CTSS: variants seen among roughly 807,000 people sequenced by gnomAD.
CTSS encodes cathepsin S.
Under a neutral mutation model 39.9 loss-of-function variants are expected in CTSS, and 15 were observed. That is an observed-to-expected ratio of 0.38 (90% CI 0.25 to 0.58). The LOEUF is 0.58. CTSS is among the 20% of genes least tolerant of loss of function. The probability of loss-of-function intolerance (pLI) is 0.70; values close to 1 mark genes in which losing one functional copy is unlikely to be tolerated. For missense variants in CTSS, 250 were observed against 398.2 expected (o/e 0.63, Z 3.17); for synonymous variants, 126 against 138.2 (o/e 0.91, Z 0.62).
At chr1:150,743,451 G>A (rs908868880) in intron 7 of CTSS, among the ~76,000 whole-genome samples, 12 of 147,132 alleles carry the variant, frequency 8.2e-5, no homozygotes, top group Admixed American at 2.1e-4. Context: ...GGCTGGGTGC[G>A]GTGGTGGCTC....
At chr1:150,761,955 C>G (rs1653276801) in intron 2 of CTSS, among the ~76,000 whole-genome samples, 1 of 152,080 alleles carries the variant, frequency 6.6e-6, no homozygotes, top group South Asian at 2.1e-4. Context: ...TACAAAAGTC[C>G]TTAAATAGTC....
chr1:150,744,928 G>A (rs1034522173), intron 7 of CTSS, among the ~76,000 whole-genome samples: 1 of 151,762 alleles, frequency 6.6e-6, no homozygotes, highest in Non-Finnish European at 1.5e-5. Flanking sequence ...AGTAGAGAAG[G>A]GAATTTAGAA....
chr1:150,741,669 T>C (rs1256632273), intron 7 of CTSS, among the ~76,000 whole-genome samples: 2 of 151,914 alleles, frequency 1.3e-5, no homozygotes, highest in East Asian at 3.9e-4. Context: ...AGATCAGGAG[T>C]TGGTAGACCA....
At chr1:150,744,628 T>A (rs1427525980) in intron 7 of CTSS, among the ~76,000 whole-genome samples, 4 of 128,330 alleles carry the variant, frequency 3.1e-5, no homozygotes, top group African/African-American at 8.5e-5. Flanking sequence ...ATTATGTATA[T>A]TATAGATTAT....
intron 7 of CTSS, among the ~76,000 whole-genome samples, chr1:150,743,510 TATATATATATTTATAA>T (rs1205945124): frequency 7.1e-6 from 1 of 140,242 alleles, no homozygotes; most frequent in Non-Finnish European, 1.5e-5. Flanking sequence ...TATATATATA[TATATATATATTTATAA>T]ATATATTTAT....
intron 6 of CTSS, among the ~76,000 whole-genome samples, chr1:150,749,067 C>T (rs587594544): frequency 6.6e-6 from 1 of 152,278 alleles, no homozygotes; most frequent in South Asian, 2.1e-4. Context: ...CTCAGGCCTC[C>T]CTGTTCCCTG....
At chr1:150,737,089 T>G (rs1652651351) in intron 7 of CTSS, among the ~76,000 whole-genome samples, 1 of 152,082 alleles carries the variant, frequency 6.6e-6, no homozygotes, top group African/African-American at 2.4e-5. Context: ...CAGATTGGAC[T>G]CAAGTAGAGT....
intron 6 of CTSS, 122 bp downstream of exon 6, chr1:150,749,884 G>A (rs1325097213): frequency 1.3e-6 from 1 of 770,228 alleles, no homozygotes; most frequent in African/African-American, 1.7e-5. Flanking sequence ...CAAACTCCCA[G>A]GCTCAAGCAA....
In CTSS at chr1:150,751,954, G is replaced by A. The variant is rs1190622780; in HGVS notation, c.454C>T (p.Leu152=). ...ACCAGCTTTCCTGTTTTCAGCTTCA[G>A]CTGTGCTTCCAGGGCCCCCACAGCA... ...FSAVGALEAQ[L]KLKTGKLVSL... The change falls in exon 5 of 8, where the codon CTG becomes TTG. Residue 152 remains leucine, a synonymous_variant. Coordinates refer to ENST00000368985, the MANE Select transcript of CTSS (RefSeq NM_004079.5). 6.2e-7 allele frequency: 1 copy of A among 1,614,176 alleles called. No homozygotes were observed. The highest frequency in any genetic ancestry group is 1.1e-5 in the South Asian group (1 of 91,078).
intron 7 of CTSS, among the ~76,000 whole-genome samples, chr1:150,739,350 G>C (rs1216693821): frequency 1.3e-5 from 2 of 152,194 alleles, no homozygotes; most frequent in African/African-American, 4.8e-5. Context: ...AGTTAGCCAT[G>C]TTGTGAATGC....
intron 2 of CTSS, among the ~76,000 whole-genome samples, chr1:150,758,804 C>A (rs1190162255): frequency 6.6e-6 from 1 of 151,334 alleles, no homozygotes; most frequent in Non-Finnish European, 1.5e-5. Flanking sequence ...CCCCTATCAG[C>A]CTCCCAAAGT....
intron 7 of CTSS, among the ~76,000 whole-genome samples, chr1:150,740,179 G>A (rs587607523): frequency 1.1e-4 from 17 of 152,232 alleles, no homozygotes; most frequent in Admixed American, 5.2e-4. Context: ...TTAGTGAATG[G>A]GGCATGGTTT....
At chr1:150,742,632 C>T (rs587775881) in intron 7 of CTSS, among the ~76,000 whole-genome samples, 8 of 151,938 alleles carry the variant, frequency 5.3e-5, no homozygotes, top group Non-Finnish European at 1.2e-4. Flanking sequence ...AAAAAGATAC[C>T]GCTATAGCTG....
intron 2 of CTSS, among the ~76,000 whole-genome samples, chr1:150,763,652 A>G (rs1003485906): frequency 6.6e-6 from 1 of 152,216 alleles, no homozygotes; most frequent in African/African-American, 2.4e-5. Context: ...TAATATGTCA[A>G]ATAAATAAAT....
At chr1:150,734,477 C>T (rs1652592400) in intron 7 of CTSS, among the ~76,000 whole-genome samples, 1 of 151,924 alleles carries the variant, frequency 6.6e-6, no homozygotes, top group South Asian at 2.1e-4. Context: ...CCCGTCTCTA[C>T]TAAAAATACA....
chr1:150,736,801 G>C (rs1468302652), intron 7 of CTSS, among the ~76,000 whole-genome samples: 1 of 151,766 alleles, frequency 6.6e-6, no homozygotes, highest in African/African-American at 2.4e-5. Flanking sequence ...GCTAAATAAA[G>C]TATCTGAGGA....
intron 4 of CTSS, 124 bp from the exon 5 acceptor site, chr1:150,752,132 C>G (rs1308572897): frequency 6.6e-6 from 6 of 903,602 alleles, no homozygotes; most frequent in East Asian, 5.3e-5. Flanking sequence ...AGAGCTCCCC[C>G]ACTACAGTTT....
At chr1:150,757,589 TC>T (rs1653159401) in intron 3 of CTSS, among the ~76,000 whole-genome samples, 1 of 152,136 alleles carries the variant, frequency 6.6e-6, no homozygotes, top group Admixed American at 6.6e-5. Flanking sequence ...GGTAATACTT[TC>T]TAGAATTTAT....
At position 150,738,490 on chromosome 1, in the gene CTSS, A is replaced by ATTTTT. The variant is rs200199076; in HGVS notation, c.897-5350_897-5346dup. ...CTGTTATGGTGATCTGTGATCAGTGATTTTTTTTTTTTTTTTGAGATAGGA... is the reference window on the plus strand; with the variant it reads ...CTGTTATGGTGATCTGTGATCAGTGATTTTTTTTTTTTTTTTTTTTTGAGATAGGA... On this transcript the variant is annotated intron_variant, in intron 7 of 7. Coordinates refer to ENST00000368985, the MANE Select transcript of CTSS (RefSeq NM_004079.5). 7.8e-3 allele frequency among the ~76,000 whole-genome samples: 1,079 copies of ATTTTT among 138,894 alleles called. 8 individuals carry two copies. Among genetic ancestry groups the ATTTTT allele is most frequent in the Non-Finnish European group, 0.01 (660 of 63,712 alleles). 91.1% of individuals were successfully genotyped at this position (138,894 alleles called of 152,430 possible).
Sources: gnomAD v4.1 joint callset for allele counts (sites outside exome capture counted in the v4.1 genomes callset) on GRCh38, gnomAD v4.1.1 for gene constraint, MANE v1.5 for transcripts, NCBI Gene and HGNC (gene_info 2026-07-23, HGNC 2026-07-21) for gene names.